PCDHA6: variants seen among roughly 807,000 people sequenced by gnomAD.
PCDHA6 encodes protocadherin alpha 6, also known as protocadherin alpha-6.
Under a neutral mutation model 60.3 loss-of-function variants are expected in PCDHA6, and 55 were observed. The ratio of observed to expected loss-of-function variants is 0.91; its 90% confidence interval spans 0.73 to 1.14. PCDHA6 has a LOEUF of 1.14. Among genes scored for constraint, PCDHA6 ranks in the 50% most tolerant of loss-of-function variants. The pLI, the probability that PCDHA6 is intolerant of heterozygous loss-of-function variation, is 0.00. For synonymous variants in PCDHA6, 652 were observed against 557.9 expected (o/e 1.17, Z -2.38); for missense variants, 1,327 against 1,256.5 (o/e 1.06, Z -0.85).
At position 140,835,539 on chromosome 5, in the gene PCDHA6, A is replaced by C; in HGVS notation, c.2394+5054A>C. 3 of 1,613,960 alleles carry C rather than the reference A, an allele frequency of 1.9e-6. No individual in the cohort carries two copies. The East Asian group carries it at 6.7e-5, about 36-fold the overall frequency. On this transcript the variant is annotated intron_variant, in intron 1 of 3. Coordinates refer to ENST00000529310, the MANE Select transcript of PCDHA6 (RefSeq NM_018909.4). ...AGATTTTGGAGTCAACGGACAGGTT[A>C]CCTGCTCCCTGACGCCCCGCGTTCC... is the stretch of plus-strand genomic sequence containing the variant.
chr5:140,972,660 A>AT (rs11350929), intron 1 of PCDHA6, among the ~76,000 whole-genome samples: 2,691 of 117,234 alleles, frequency 0.023, 50 homozygotes, highest in South Asian at 0.067. Context: ...AAGAAACCAA[A>AT]TTTTTTTTTT....
chr5:140,966,850 CCTGCTGCTGTTG>C (rs1409933796), intron 1 of PCDHA6: 1 of 1,572,784 alleles, frequency 6.4e-7, no homozygotes, highest in Non-Finnish European at 8.6e-7. Context: ...TACTGCCTCT[CCTGCTGCTGTTG>C]CTGCTGCTGC....
chr5:140,966,812 C>T, intron 1 of PCDHA6: 1 of 1,550,798 alleles, frequency 6.4e-7, no homozygotes, highest in East Asian at 2.4e-5. Flanking sequence ...GCATCCACGG[C>T]TCCGGCGGCC....
intron 1 of PCDHA6, among the ~76,000 whole-genome samples, chr5:140,939,048 A>T (rs931079281): frequency 1.3e-5 from 2 of 152,180 alleles, no homozygotes; most frequent in Admixed American, 6.5e-5. Flanking sequence ...GTCTTAGTCC[A>T]TTTGGGCTGC....
intron 1 of PCDHA6, chr5:140,867,695 C>T (rs1283173997): frequency 6.6e-6 from 1 of 151,790 alleles, no homozygotes; most frequent in African/African-American, 2.4e-5. Context: ...TCTTTTTTTC[C>T]TCCTAAATCC....
At chr5:140,976,423 T>C (rs1378184646) in intron 1 of PCDHA6, among the ~76,000 whole-genome samples, 22 of 151,886 alleles carry the variant, frequency 1.4e-4, no homozygotes, top group Admixed American at 1.3e-3. Context: ...CGGTGGCAGA[T>C]GCCTGTAATC....
In PCDHA6 at chr5:140,928,891, T is replaced by A. The variant is rs1299939193; in HGVS notation, c.2395-50058T>A. On this transcript the variant is annotated intron_variant, in intron 1 of 3. Coordinates refer to ENST00000529310, the MANE Select transcript of PCDHA6 (RefSeq NM_018909.4). ...CTCTGTCCCTCAGTTACTTCCAGAC[T>A]TTGAAGATGTCTGGGAACCAGGAGG... 1.2e-6 allele frequency: 2 copies of A among 1,614,066 alleles called. No individual in the cohort carries two copies. The highest frequency in any genetic ancestry group is 2.7e-5 in the African/African-American group (2 of 74,942).
chr5:140,997,575 C>T (rs565835201), intron 3 of PCDHA6, among the ~76,000 whole-genome samples: 5 of 151,884 alleles, frequency 3.3e-5, no homozygotes, highest in East Asian at 3.9e-4. Context: ...ATGTGTGGTC[C>T]GTTGTTGACT....
intron 1 of PCDHA6, chr5:140,876,776 T>C: frequency 1.2e-6 from 2 of 1,614,212 alleles, no homozygotes; most frequent in Non-Finnish European, 1.7e-6. Context: ...TCGCCTTCGC[T>C]GTGGGCCACG....
chr5:140,980,275 C>G (rs1288435032), intron 2 of PCDHA6, among the ~76,000 whole-genome samples: 1 of 152,196 alleles, frequency 6.6e-6, no homozygotes. Flanking sequence ...AGTACCAACT[C>G]TTGAAAAGTA....
intron 1 of PCDHA6, chr5:140,871,192 G>T (rs1582019516): frequency 2.5e-6 from 4 of 1,613,668 alleles, no homozygotes; most frequent in Non-Finnish European, 3.4e-6. Flanking sequence ...GGATGTCAAC[G>T]TGTACCTGAT....
chr5:141,007,647 A>T (rs1554261419), intron 3 of PCDHA6, among the ~76,000 whole-genome samples: 1 of 152,174 alleles, frequency 6.6e-6, no homozygotes, highest in Admixed American at 6.5e-5. Context: ...GTATTTGCCT[A>T]AAAAACCATA....
intron 1 of PCDHA6, chr5:140,929,001 G>A (rs782325865): frequency 6.2e-7 from 1 of 1,613,996 alleles, no homozygotes; most frequent in East Asian, 2.2e-5. Context: ...TTTTCTTCGT[G>A]TGTACCAAGT....
In PCDHA6 at chr5:140,850,071, G is replaced by T. The variant is rs2150465789; in HGVS notation, c.2394+19586G>T. The T allele has an allele frequency of 1.4e-5, 22 of 1,596,556 alleles. 5 individuals carry two copies. The highest frequency in any genetic ancestry group is 1.6e-5 in the Non-Finnish European group (19 of 1,167,840). ...GTACGCGCTGCAGCCGTTGGACCAC[G>T]AGGAGCTGGAGCTGCTACAGTTCCA... On this transcript the variant is annotated intron_variant, in intron 1 of 3. Coordinates refer to ENST00000529310, the MANE Select transcript of PCDHA6 (RefSeq NM_018909.4).
At chr5:140,929,231 T>G in intron 1 of PCDHA6, 2 of 1,613,886 alleles carry the variant, frequency 1.2e-6, no homozygotes, top group Non-Finnish European at 1.7e-6. Context: ...GCTGCCGACC[T>G]GCGAAATCTT....
intron 1 of PCDHA6, chr5:140,834,326 A>G: frequency 1.4e-6 from 2 of 1,449,926 alleles, no homozygotes; most frequent in South Asian, 1.3e-5. Flanking sequence ...GGATAAAAAC[A>G]TTCCTATAAA....
At position 140,877,685 on chromosome 5, in the gene PCDHA6, C is replaced by T. The variant is rs377753884; in HGVS notation, c.2394+47200C>T. On this transcript the variant is annotated intron_variant, in intron 1 of 3. Transcript: ENST00000529310. Reference sequence around the variant, plus strand: ...AGCCGGTGCGCGCCGGGCAAGCCCACGCTGGTGTGCTCCAGCGCCGTGGGG... The same window carrying T: ...AGCCGGTGCGCGCCGGGCAAGCCCATGCTGGTGTGCTCCAGCGCCGTGGGG... 3.4e-5 allele frequency: 55 copies of T among 1,613,628 alleles called. No homozygotes were observed. Among genetic ancestry groups the T allele is most frequent in the Non-Finnish European group, 4.6e-5 (54 of 1,179,904 alleles).
chr5:140,857,309 G>C lies in PCDHA6; in HGVS notation c.2394+26824G>C, dbSNP rs1287991839. ...GGACCGCGAGAGGGTGTCGGCCTAT[G>C]AGCTGGTGGTGACCGCGCGGGACGG... On this transcript the variant is annotated intron_variant, in intron 1 of 3. Transcript: ENST00000529310. The C allele has an allele frequency of 3.8e-6, 6 of 1,598,670 alleles. 1 individual carries two copies. In the Admixed American group the frequency reaches 1.0e-4, roughly 27 times the overall value.
Position 140,870,665 on chromosome 5 carries a change from C to T in PCDHA6, c.2394+40180C>T, listed in dbSNP as rs782328974. ...AGCGGCAAGGTGTACGCGCTGCAGC[C>T]GTTGGACCACGAGGAGCTGGAGCTG... On this transcript the variant is annotated intron_variant, in intron 1 of 3. Coordinates refer to ENST00000529310, the MANE Select transcript of PCDHA6 (RefSeq NM_018909.4). 1.2e-5 allele frequency: 20 copies of T among 1,612,506 alleles called. No individual in the cohort carries two copies. The South Asian group carries it at 1.4e-4, about 12-fold the overall frequency.
Sources: allele counts gnomAD v4.1 joint callset (sites outside exome capture counted in the v4.1 genomes callset), GRCh38; gene constraint gnomAD v4.1.1; transcripts MANE v1.5; gene names NCBI Gene and HGNC (gene_info 2026-07-23, HGNC 2026-07-21).